The following VTI1A variants were observed in gnomAD, a reference collection of about 807,000 sequenced individuals.
VTI1A encodes vesicle transport through interaction with t-SNAREs 1A.
Under a neutral mutation model 34.9 loss-of-function variants are expected in VTI1A, and 22 were observed. The ratio of observed to expected loss-of-function variants is 0.63; its 90% CI spans 0.45 to 0.90. VTI1A has a LOEUF of 0.90. Ranked by LOEUF, VTI1A falls within the 40% of genes least tolerant of loss-of-function variation. The pLI is 0.00. For missense variants in VTI1A, 268 were observed against 275.6 expected, an observed-to-expected ratio of 0.97 and a Z score of 0.20; for synonymous variants, 87 against 97.3, an observed-to-expected ratio of 0.89 and a Z score of 0.62.
intron 5 of VTI1A, among the ~76,000 whole-genome samples, chr10:112,573,708 C>T (rs1057235757): frequency 2.0e-5 from 3 of 152,154 alleles, no homozygotes; most frequent in Non-Finnish European, 4.4e-5. Flanking sequence ...CTAGCAAGCT[C>T]AGTAATGCAT....
intron 5 of VTI1A, among the ~76,000 whole-genome samples, chr10:112,626,720 C>A (rs1845937549): frequency 6.6e-6 from 1 of 152,172 alleles, no homozygotes; most frequent in South Asian, 2.1e-4. Flanking sequence ...CAGGGTTTTC[C>A]AGCTGGTAGT....
intron 7 of VTI1A, among the ~76,000 whole-genome samples, chr10:112,808,147 G>A (rs942688761): frequency 3.3e-5 from 5 of 152,122 alleles, no homozygotes; most frequent in Admixed American, 6.5e-5. Flanking sequence ...GAGTCCAAGC[G>A]TTCAAGGCTG....
At chr10:112,595,512 G>A (rs1182143622) in intron 5 of VTI1A, among the ~76,000 whole-genome samples, 3 of 152,092 alleles carry the variant, frequency 2.0e-5, no homozygotes, top group Admixed American at 6.6e-5. Context: ...GGACATGAAC[G>A]ACACTTCTCA....
chr10:112,831,584 C>G, the VTI1A span: 1 of 152,192 alleles, frequency 6.6e-6, no homozygotes, highest in Non-Finnish European at 1.5e-5. Context: ...TGAATTTGTA[C>G]CCGCCGAGCC....
At chr10:112,803,866 T>C (rs1852969937) in intron 7 of VTI1A, among the ~76,000 whole-genome samples, 1 of 152,248 alleles carries the variant, frequency 6.6e-6, no homozygotes, top group African/African-American at 2.4e-5. Flanking sequence ...ATACCTTGCA[T>C]TTCTAGAACA....
chr10:112,550,152 T>C (rs1851294493), intron 5 of VTI1A, among the ~76,000 whole-genome samples: 1 of 152,212 alleles, frequency 6.6e-6, no homozygotes, highest in Non-Finnish European at 1.5e-5. Flanking sequence ...AAGATACACG[T>C]GGAGCCATTC....
At chr10:112,717,938 A>C (rs904505937) in intron 7 of VTI1A, among the ~76,000 whole-genome samples, 1 of 152,152 alleles carries the variant, frequency 6.6e-6, no homozygotes, top group Non-Finnish European at 1.5e-5. Context: ...CCTAAAAATT[A>C]ATTTACTCAT....
chr10:112,835,393 G>GA, the VTI1A span, among the ~76,000 whole-genome samples: 1 of 152,178 alleles, frequency 6.6e-6, no homozygotes, highest in Non-Finnish European at 1.5e-5. Flanking sequence ...CCTATCTGGG[G>GA]GGCCTTCGAG....
At chr10:112,643,051 C>T (rs1846638138) in intron 5 of VTI1A, among the ~76,000 whole-genome samples, 1 of 139,700 alleles carries the variant, frequency 7.2e-6, no homozygotes, top group South Asian at 2.3e-4. Context: ...GTAGCACAAT[C>T]TAGGCTCACT....
At chr10:112,469,234 G>A (rs1477680180) in intron 3 of VTI1A, among the ~76,000 whole-genome samples, 1 of 151,994 alleles carries the variant, frequency 6.6e-6, no homozygotes, top group Admixed American at 6.6e-5. Context: ...TTATTTTTTA[G>A]AACAGCACAG....
rs1350356577 is a variant in VTI1A at position 112,618,522 on chromosome 10, T to TAGAGAGAGAG, written c.428-49695_428-49694insGAGAGAGAGA. On this transcript the variant is annotated intron_variant, in intron 5 of 7. Coordinates refer to ENST00000393077, the MANE Select transcript of VTI1A (RefSeq NM_145206.4). ...ATATATATATATATATATATATATA[T>TAGAGAGAGAG]ATAGAGAGAGAGAGAGAGAGAGAGA... 3.2e-3 allele frequency among the ~76,000 whole-genome samples: 140 copies of TAGAGAGAGAG among 43,642 alleles called. 1 individual carries two copies. The highest frequency in any genetic ancestry group is 0.017 in the Middle Eastern group (1 of 58). The allele number at this position is 43,642 out of a possible 152,430, so 28.6% of individuals were successfully genotyped here.
At chr10:112,746,470 T>C (rs1234401167) in intron 7 of VTI1A, among the ~76,000 whole-genome samples, 1 of 152,206 alleles carries the variant, frequency 6.6e-6, no homozygotes, top group African/African-American at 2.4e-5. Flanking sequence ...AGCCCACCGC[T>C]GTACACATGG....
At chr10:112,718,029 C>A (rs1849671144) in intron 7 of VTI1A, among the ~76,000 whole-genome samples, 1 of 152,158 alleles carries the variant, frequency 6.6e-6, no homozygotes, top group African/African-American at 2.4e-5. Context: ...AACCACAAAA[C>A]TCCTGTTGTC....
intron 5 of VTI1A, among the ~76,000 whole-genome samples, chr10:112,584,618 T>C (rs1420381631): frequency 6.6e-6 from 1 of 152,216 alleles, no homozygotes; most frequent in Admixed American, 6.5e-5. Context: ...CCAATTCAAA[T>C]TGTGACCGAC....
chr10:112,451,611 G>A (rs763159738), intron 1 of VTI1A, among the ~76,000 whole-genome samples: 1 of 152,212 alleles, frequency 6.6e-6, no homozygotes, highest in Non-Finnish European at 1.5e-5. Flanking sequence ...AGTGAAAGTG[G>A]TGTCGGACAA....
At chr10:112,459,077 C>T (rs1847642474) in intron 1 of VTI1A, among the ~76,000 whole-genome samples, 2 of 152,140 alleles carry the variant, frequency 1.3e-5, no homozygotes, top group African/African-American at 2.4e-5. Context: ...CTTTTCTAGT[C>T]TGTTGTGTTA....
At chr10:112,819,771 C>G (rs1249193164), downstream of VTI1A, among the ~76,000 whole-genome samples, 1 of 152,164 alleles carries the variant, frequency 6.6e-6, no homozygotes, top group Admixed American at 6.5e-5. Flanking sequence ...GTGGCCTTCT[C>G]CATGCTATGG....
intron 3 of VTI1A, among the ~76,000 whole-genome samples, chr10:112,489,489 A>G (rs1435975030): frequency 3.3e-5 from 5 of 152,220 alleles, no homozygotes; most frequent in Non-Finnish European, 7.3e-5. Context: ...GGAAATTTAA[A>G]TGAAATTTTA....
chr10:112,453,492 TATTC>T (rs536126145), intron 1 of VTI1A, among the ~76,000 whole-genome samples: 113 of 152,372 alleles, frequency 7.4e-4, no homozygotes, highest in African/African-American at 2.2e-3. Flanking sequence ...TTTATTTACT[TATTC>T]AGTCATTTAC....
Sources: gnomAD v4.1 joint callset for allele counts (sites outside exome capture counted in the v4.1 genomes callset) on GRCh38, gnomAD v4.1.1 for gene constraint, MANE v1.5 for transcripts, NCBI Gene and HGNC (gene_info 2026-07-23, HGNC 2026-07-21) for gene names.